Variants in PARD3 observed in about 807,000 individuals in gnomAD.
PARD3 encodes the protein par-3 family cell polarity regulator, also known as partitioning defective 3 homolog.
PARD3 carries 75 observed loss-of-function variants against 155.4 expected under a neutral mutation model. The ratio of observed to expected loss-of-function variants is 0.48; its 90% CI spans 0.40 to 0.58. The LOEUF is 0.58. PARD3 is among the 20% of genes least tolerant of loss of function. PARD3 has a pLI of 0.00. For missense variants in PARD3, 1,642 were observed against 1,721.7 expected, an observed-to-expected ratio of 0.95 and a Z score of 0.82; for synonymous variants, 576 against 610.5, an observed-to-expected ratio of 0.94 and a Z score of 0.83.
chr10:34,282,721 C>T (rs949649184), intron 21 of PARD3, among the ~76,000 whole-genome samples: 4 of 152,076 alleles, frequency 2.6e-5, no homozygotes, highest in Non-Finnish European at 4.4e-5. Flanking sequence ...AATCTGAGTT[C>T]ACACATTTAC....
At chr10:34,633,530 G>C (rs892741320) in intron 2 of PARD3, among the ~76,000 whole-genome samples, 1 of 152,156 alleles carries the variant, frequency 6.6e-6, no homozygotes, top group African/African-American at 2.4e-5. Flanking sequence ...AGTTCTTCCT[G>C]TTTTATGACT....
intron 18 of PARD3, among the ~76,000 whole-genome samples, chr10:34,334,345 C>T (rs78438760): frequency 1.3e-5 from 1 of 76,038 alleles, no homozygotes; most frequent in Non-Finnish European, 2.5e-5. Flanking sequence ...ATCCCTCTTG[C>T]CAAAAAAAAA....
chr10:34,775,534 A>C (rs1355224233), intron 1 of PARD3, among the ~76,000 whole-genome samples: 2 of 152,182 alleles, frequency 1.3e-5, no homozygotes, highest in Non-Finnish European at 2.9e-5. Context: ...AGAAAGGACA[A>C]GTCTCCTTAC....
At chr10:34,713,171 C>A (rs1735147340) in intron 1 of PARD3, among the ~76,000 whole-genome samples, 2 of 151,954 alleles carry the variant, frequency 1.3e-5, no homozygotes, top group Non-Finnish European at 2.9e-5. Flanking sequence ...GAGATTGCAC[C>A]ACTGCACTCC....
At chr10:34,432,337 TACACACACACAC>T (rs71917947) in intron 5 of PARD3, among the ~76,000 whole-genome samples, 255 of 143,554 alleles carry the variant, frequency 1.8e-3, no homozygotes, top group African/African-American at 3.6e-3. Context: ...CACGTGCACA[TACACACACACAC>T]ACACACACAC....
chr10:34,730,956 C>G (rs892643534), intron 1 of PARD3, among the ~76,000 whole-genome samples: 2 of 152,126 alleles, frequency 1.3e-5, no homozygotes, highest in Non-Finnish European at 2.9e-5. Context: ...CACAATTTGA[C>G]CCGGTTATAT....
intron 2 of PARD3, among the ~76,000 whole-genome samples, chr10:34,593,133 G>A (rs2134386782): frequency 6.6e-6 from 1 of 152,294 alleles, no homozygotes; most frequent in Non-Finnish European, 1.5e-5. Flanking sequence ...AGCAGAGCTA[G>A]ATATTGCAAA....
intron 2 of PARD3, among the ~76,000 whole-genome samples, chr10:34,693,933 T>G (rs1371708668): frequency 6.6e-6 from 1 of 152,158 alleles, no homozygotes; most frequent in Non-Finnish European, 1.5e-5. Context: ...TCAAGTCTCT[T>G]TATTTAAAAG....
chr10:34,779,192 G>A (rs1588707993), intron 1 of PARD3, among the ~76,000 whole-genome samples: 1 of 152,268 alleles, frequency 6.6e-6, no homozygotes, highest in East Asian at 1.9e-4. Flanking sequence ...TGTAATCCCA[G>A]GTACTCGGGA....
rs77197281 is a variant in PARD3, at chr10:34,142,039, T to C, written c.3420-10456A>G. 6.0e-3 allele frequency among the ~76,000 whole-genome samples: 916 copies of C among 152,274 alleles called. 8 individuals carry two copies. The highest frequency in any genetic ancestry group is 0.01 in the Middle Eastern group (3 of 294). On this transcript the variant is annotated intron_variant, in intron 22 of 24. Coordinates refer to ENST00000374788, the MANE Select transcript of PARD3 (RefSeq NM_001184785.2). ...AACCATATTCGAATAAGAGTGACTA[T>C]TGTGAGAATGTGTGTTAAGAGCTTT...
At chr10:34,324,970 AT>A (rs1244073999) in intron 19 of PARD3, among the ~76,000 whole-genome samples, 1 of 152,084 alleles carries the variant, frequency 6.6e-6, no homozygotes, top group Non-Finnish European at 1.5e-5. Context: ...ATATTATTTT[AT>A]TTGAAATGCA....
At chr10:34,718,860 G>A (rs976756267) in intron 1 of PARD3, among the ~76,000 whole-genome samples, 2 of 152,160 alleles carry the variant, frequency 1.3e-5, no homozygotes, top group South Asian at 2.1e-4. Flanking sequence ...CTACTTGGGA[G>A]GCAGAGGCAG....
intron 24 of PARD3, among the ~76,000 whole-genome samples, chr10:34,117,454 G>A (rs1259991864): frequency 2.6e-5 from 4 of 152,148 alleles, no homozygotes; most frequent in Non-Finnish European, 5.9e-5. Context: ...GAGGGGGCAG[G>A]GGGGTAGCGG....
At chr10:34,761,382 G>C (rs1418731005) in intron 1 of PARD3, among the ~76,000 whole-genome samples, 1 of 152,148 alleles carries the variant, frequency 6.6e-6, no homozygotes, top group Non-Finnish European at 1.5e-5. Context: ...CTGCACTCCA[G>C]CCTGGGTAAC....
At chr10:34,739,515 C>T (rs139029467) in intron 1 of PARD3, among the ~76,000 whole-genome samples, 15 of 152,208 alleles carry the variant, frequency 9.9e-5, no homozygotes, top group African/African-American at 2.9e-4. Flanking sequence ...GGGAGAGAGG[C>T]GAGGGCAGGG....
chr10:34,272,142 C>T (rs1164626098), intron 21 of PARD3, among the ~76,000 whole-genome samples: 2 of 152,034 alleles, frequency 1.3e-5, no homozygotes, highest in African/African-American at 4.8e-5. Context: ...AAATTTCATA[C>T]CTTACTAAAA....
intron 22 of PARD3, among the ~76,000 whole-genome samples, chr10:34,235,262 C>A (rs1328923088): frequency 6.6e-6 from 1 of 152,122 alleles, no homozygotes; most frequent in Non-Finnish European, 1.5e-5. Flanking sequence ...AAATTCCCAA[C>A]AAATCTTCCT....
chr10:34,685,058 C>G (rs1327104558), intron 2 of PARD3, among the ~76,000 whole-genome samples: 2 of 152,062 alleles, frequency 1.3e-5, no homozygotes, highest in African/African-American at 4.8e-5. Context: ...GTTTGAAAAA[C>G]TTATTAACCT....
chr10:34,583,179 C>A lies in PARD3; in HGVS notation c.223-66020G>T, dbSNP rs555265349. 7.2e-5 allele frequency among the ~76,000 whole-genome samples: 11 copies of A among 152,246 alleles called. No individual in the cohort carries two copies. The South Asian group carries it at 1.9e-3, about 26-fold the overall frequency. ...ATTTACCAAAATGCACCAACAAATACTGAATAAATATAACAAATGACACGA... is the reference window on the plus strand; with the variant it reads ...ATTTACCAAAATGCACCAACAAATAATGAATAAATATAACAAATGACACGA... On this transcript the variant is annotated intron_variant, in intron 2 of 24. Coordinates refer to ENST00000374788, the MANE Select transcript of PARD3 (RefSeq NM_001184785.2).
Sources: allele counts gnomAD v4.1 joint callset (sites outside exome capture counted in the v4.1 genomes callset), GRCh38; gene constraint gnomAD v4.1.1; transcripts MANE v1.5; gene names NCBI Gene and HGNC (gene_info 2026-07-23, HGNC 2026-07-21).